The following RB1 variants were observed in gnomAD, a reference collection of about 807,000 sequenced individuals.
RB1 encodes the protein RB transcriptional corepressor 1.
RB1 carries 18 observed loss-of-function variants against 135.4 expected under a neutral mutation model. The observed-to-expected ratio is 0.13, with a 90% confidence interval of 0.09 to 0.20. RB1 has a LOEUF of 0.20. RB1 is among the 10% of genes least tolerant of loss of function. The pLI is 1.00. For synonymous variants in RB1, 365 were observed against 373.2 expected (o/e 0.98, Z 0.25); for missense variants, 868 against 1,110.0 (o/e 0.78, Z 3.10).
At chr13:48,457,998 C>T (rs1371700821) in intron 19 of RB1, among the ~76,000 whole-genome samples, 1 of 152,058 alleles carries the variant, frequency 6.6e-6, no homozygotes, top group African/African-American at 2.4e-5. Flanking sequence ...GGTGGGACTC[C>T]TACCTGCTCC....
chr13:48,343,145 C>T (rs1413887233), intron 3 of RB1, among the ~76,000 whole-genome samples: 1 of 151,844 alleles, frequency 6.6e-6, no homozygotes, highest in African/African-American at 2.4e-5. Flanking sequence ...TGCTTTTTTT[C>T]AGATTATATA....
At chr13:48,397,927 C>T (rs1443446580) in intron 17 of RB1, among the ~76,000 whole-genome samples, 2 of 152,118 alleles carry the variant, frequency 1.3e-5, no homozygotes, top group Non-Finnish European at 2.9e-5. Context: ...CTTTGGTGTA[C>T]TTTGCAGAAG....
chr13:48,411,367 A>G (rs199942001), intron 17 of RB1: 172 of 1,583,616 alleles, frequency 1.1e-4, no homozygotes, highest in East Asian at 2.2e-4. Context: ...GTTCTGTCCC[A>G]GTGAGTCCTA....
rs762809210 is a variant in RB1, at chr13:48,377,049, T to A, written c.1332+15T>A. On this transcript the variant is annotated intron_variant, in intron 13 of 26. Coordinates refer to ENST00000267163, the MANE Select transcript of RB1 (RefSeq NM_000321.3). ...TTGGATCACAGGTAACTTGAATTCA[T>A]TGTAATTCGTGGTACTATAGAGTAA... 6.2e-7 allele frequency: 1 copy of A among 1,606,008 alleles called. No individual in the cohort carries two copies. Among genetic ancestry groups the A allele is most frequent in the Non-Finnish European group, 8.5e-7 (1 of 1,172,884 alleles).
chr13:48,426,387 A>T (rs1233376429), intron 17 of RB1, among the ~76,000 whole-genome samples: 1 of 152,212 alleles, frequency 6.6e-6, no homozygotes, highest in African/African-American at 2.4e-5. Flanking sequence ...TGCATTTGGT[A>T]TGCCTTTTTT....
At chr13:48,422,767 C>G (rs1382247477) in intron 17 of RB1, 1 of 147,796 alleles carries the variant, frequency 6.8e-6, no homozygotes, top group Admixed American at 6.9e-5. Context: ...TGCACTTCAG[C>G]CTGGTGACAG....
chr13:48,431,286 A>C (rs1264514740), intron 17 of RB1, among the ~76,000 whole-genome samples: 3 of 152,214 alleles, frequency 2.0e-5, no homozygotes, highest in African/African-American at 7.2e-5. Flanking sequence ...CAAAATAAAA[A>C]TGACTATACA....
chr13:48,306,462 G>C (rs1952081552), intron 1 of RB1, among the ~76,000 whole-genome samples: 1 of 152,194 alleles, frequency 6.6e-6, no homozygotes, highest in Non-Finnish European at 1.5e-5. Context: ...TGGCAGTCTA[G>C]AATAGTGGTC....
At position 48,377,417 on chromosome 13, in the gene RB1, T is replaced by C. The variant is rs555716147; in HGVS notation, c.1332+383T>C. 1.1e-3 allele frequency among the ~76,000 whole-genome samples: 161 copies of C among 150,644 alleles called. 1 individual carries two copies. The highest frequency in any genetic ancestry group is 3.7e-3 in the African/African-American group (155 of 41,456). ...ATTTGTCAGTGATATTATTGAGTGA[T>C]ATTATTTCAGGAAATCTAAAGCTAA... is the stretch of plus-strand genomic sequence containing the variant. On this transcript the variant is annotated intron_variant, in intron 13 of 26. Coordinates refer to ENST00000267163, the MANE Select transcript of RB1 (RefSeq NM_000321.3).
intron 1 of RB1, 139 bp downstream of exon 1, chr13:48,304,188 C>A (rs1207986734): frequency 3.1e-6 from 3 of 976,378 alleles, no homozygotes; most frequent in Admixed American, 4.3e-5. Context: ...TCCCTGCCCC[C>A]CGCCACGGCG....
intron 17 of RB1, among the ~76,000 whole-genome samples, chr13:48,410,674 C>A (rs1221896359): frequency 6.6e-6 from 1 of 152,092 alleles, no homozygotes; most frequent in Non-Finnish European, 1.5e-5. Context: ...TTCTCCCTCT[C>A]AATTTTTGTG....
Position 48,381,227 on chromosome 13 carries a change from C to CTTTTTT in RB1, c.1499-15_1499-10dup. 5 of 1,473,570 alleles carry CTTTTTT rather than the reference C, an allele frequency of 3.4e-6. No homozygotes were observed. Among genetic ancestry groups the CTTTTTT allele is most frequent in the Non-Finnish European group, 3.7e-6 (4 of 1,087,448 alleles). The allele number at this position is 1,473,570 out of a possible 1,614,324, so 91.3% of individuals were successfully genotyped here. A position where few individuals can be genotyped will look rare whatever the true frequency, so the allele number is the denominator to read the frequency against. ...AGGGTTAATATTTCATAAATAGTTA[C>CTTTTTT]TTTTTTTTTTCATTTTTAGGAAGTA... On this transcript the variant is annotated intron_variant, in intron 16 of 26. Coordinates refer to ENST00000267163, the MANE Select transcript of RB1 (RefSeq NM_000321.3).
chr13:48,418,257 C>G (rs933456777), intron 17 of RB1, among the ~76,000 whole-genome samples: 1 of 151,386 alleles, frequency 6.6e-6, no homozygotes, highest in African/African-American at 2.4e-5. Context: ...ATTTTCAACC[C>G]AGAATTTTGT....
intron 2 of RB1, among the ~76,000 whole-genome samples, chr13:48,339,394 C>T (rs183404723): frequency 2.3e-3 from 351 of 152,334 alleles, no homozygotes; most frequent in African/African-American, 7.9e-3. Context: ...CTCCTAGCCT[C>T]GCTACTGCCT....
intron 2 of RB1, among the ~76,000 whole-genome samples, chr13:48,314,023 C>T (rs1406404798): frequency 6.6e-6 from 1 of 152,172 alleles, no homozygotes; most frequent in Non-Finnish European, 1.5e-5. Context: ...GCTGGGATTA[C>T]AGGCGTGAGC....
intron 17 of RB1, among the ~76,000 whole-genome samples, chr13:48,403,410 G>A (rs1474103393): frequency 6.6e-6 from 1 of 152,060 alleles, no homozygotes; most frequent in Non-Finnish European, 1.5e-5. Context: ...AAACTGTGGA[G>A]GGAAGTGGAG....
intron 17 of RB1, 128 bp from the exon 18 acceptor site, chr13:48,452,856 ATTCTGACTT>A: frequency 7.7e-7 from 1 of 1,295,524 alleles, no homozygotes; most frequent in Non-Finnish European, 1.1e-6. Flanking sequence ...AAAATATTTC[ATTCTGACTT>A]TTAAATTGCC....
chr13:48,387,816 C>T (rs1948582324), intron 17 of RB1, among the ~76,000 whole-genome samples: 1 of 152,018 alleles, frequency 6.6e-6, no homozygotes, highest in Non-Finnish European at 1.5e-5. Context: ...CAAACAAAAG[C>T]TTTTGGGGTC....
At chr13:48,374,810 CTATATGATCTTTTTTTATGTTTT>C (rs1270112024) in intron 12 of RB1, among the ~76,000 whole-genome samples, 1 of 151,802 alleles carries the variant, frequency 6.6e-6, no homozygotes, top group African/African-American at 2.4e-5. Context: ...AACTTGGAAA[CTATATGATCTTTTTTTATGTTTT>C]TATACAGTTT....
Sources: allele counts gnomAD v4.1 joint callset (sites outside exome capture counted in the v4.1 genomes callset), GRCh38; gene constraint gnomAD v4.1.1; transcripts MANE v1.5; gene names NCBI Gene and HGNC (gene_info 2026-07-23, HGNC 2026-07-21).